TMEM232: variants seen among roughly 807,000 people sequenced by gnomAD.
TMEM232 encodes the protein transmembrane protein 232.
TMEM232 carries 80 observed loss-of-function variants against 78.8 expected under a neutral mutation model. The observed-to-expected ratio is 1.01, with a 90% confidence interval of 0.85 to 1.22. The LOEUF (loss-of-function observed/expected upper bound fraction) is 1.22, where lower values mean the gene tolerates loss of function less well. Among genes scored for constraint, TMEM232 ranks in the 50% most tolerant of loss-of-function variants. The probability of loss-of-function intolerance (pLI) is 0.00; values close to 1 mark genes in which losing one functional copy is unlikely to be tolerated. For missense variants in TMEM232, 881 were observed against 742.2 expected, an observed-to-expected ratio of 1.19 and a Z score of -2.17; for synonymous variants, 297 against 254.3, an observed-to-expected ratio of 1.17 and a Z score of -1.60.
intron 10 of TMEM232, among the ~76,000 whole-genome samples, chr5:110,599,706 A>G (rs965923141): frequency 2.0e-5 from 3 of 152,170 alleles, no homozygotes; most frequent in Non-Finnish European, 2.9e-5. Flanking sequence ...AGACTCCCAC[A>G]CAATAATAGT....
intron 5 of TMEM232, among the ~76,000 whole-genome samples, chr5:110,634,380 C>G (rs1391082617): frequency 6.6e-6 from 1 of 152,028 alleles, no homozygotes; most frequent in African/African-American, 2.4e-5. Context: ...TTTCCCAACA[C>G]AACAATAGGA....
At chr5:110,596,850 T>C (rs984188086) in intron 10 of TMEM232, among the ~76,000 whole-genome samples, 2 of 152,194 alleles carry the variant, frequency 1.3e-5, no homozygotes, top group Non-Finnish European at 2.9e-5. Context: ...AATTAGGTAT[T>C]GATGGGACGT....
At chr5:110,528,467 C>A (rs1437321997) in intron 12 of TMEM232, 121 bp downstream of exon 12, 2 of 1,136,450 alleles carry the variant, frequency 1.8e-6, no homozygotes, top group East Asian at 5.6e-5. Context: ...GGTGATCAAG[C>A]CAAAATTTGA....
At chr5:110,678,030 G>A (rs1319042319) in intron 1 of TMEM232, among the ~76,000 whole-genome samples, 1 of 152,024 alleles carries the variant, frequency 6.6e-6, no homozygotes, top group Non-Finnish European at 1.5e-5. Context: ...TTCCCTATGT[G>A]CACATGGGTT....
At chr5:110,621,709 CCTCT>C (rs543837970) in intron 7 of TMEM232, among the ~76,000 whole-genome samples, 79 of 152,102 alleles carry the variant, frequency 5.2e-4, no homozygotes, top group African/African-American at 1.8e-3. Flanking sequence ...TCCTTCCCTC[CCTCT>C]CTTTGTTCTC....
chr5:110,423,556 G>T (rs1409054989), intron 13 of TMEM232, among the ~76,000 whole-genome samples: 1 of 152,016 alleles, frequency 6.6e-6, no homozygotes, highest in Non-Finnish European at 1.5e-5. Flanking sequence ...AAACAATTTG[G>T]ATCTATAAGT....
chr5:110,433,713 G>C (rs1758104239), intron 12 of TMEM232, among the ~76,000 whole-genome samples: 1 of 149,844 alleles, frequency 6.7e-6, no homozygotes, highest in Admixed American at 6.7e-5. Flanking sequence ...TGCATTTGCT[G>C]AATTTATTGT....
At chr5:110,638,452 AC>A in intron 4 of TMEM232, 97 bp from the exon 5 acceptor site, 1 of 1,186,084 alleles carries the variant, frequency 8.4e-7, no homozygotes, top group Non-Finnish European at 1.2e-6. Flanking sequence ...TGTCATTAAG[AC>A]CAAATTGCAG....
chr5:110,472,312 AGATACCTTGGAATAAATTT>A (rs1221047512), intron 12 of TMEM232, among the ~76,000 whole-genome samples: 20 of 152,016 alleles, frequency 1.3e-4, no homozygotes, highest in African/African-American at 4.8e-4. Flanking sequence ...ACAAAAAATA[AGATACCTTGGAATAAATTT>A]AACTAAGGAG....
chr5:110,697,290 A>G (rs1794902432), intron 1 of TMEM232, among the ~76,000 whole-genome samples: 1 of 152,208 alleles, frequency 6.6e-6, no homozygotes, highest in Non-Finnish European at 1.5e-5. Context: ...CTTATACAAA[A>G]ATTAATTCAA....
chr5:110,700,785 GGTAGA>G (rs1561538101), intron 1 of TMEM232, among the ~76,000 whole-genome samples: 2,686 of 141,684 alleles, frequency 0.019, 46 homozygotes, highest in East Asian at 0.066. Context: ...TAGATAGATA[GGTAGA>G]TAGATAGATA....
intron 12 of TMEM232, among the ~76,000 whole-genome samples, chr5:110,453,827 C>CAA (rs556583793): frequency 3.5e-4 from 41 of 117,096 alleles, no homozygotes; most frequent in Admixed American, 2.3e-3. Flanking sequence ...ATTCCAGGAG[C>CAA]AAAAAAAAAA....
intron 1 of TMEM232, among the ~76,000 whole-genome samples, chr5:110,722,472 G>C (rs551495856): frequency 6.6e-6 from 1 of 152,114 alleles, no homozygotes; most frequent in Non-Finnish European, 1.5e-5. Context: ...AGGGTGGTTT[G>C]TTCACTACAC....
chr5:110,506,409 A>C (rs1290112736), intron 12 of TMEM232, among the ~76,000 whole-genome samples: 3 of 152,168 alleles, frequency 2.0e-5, no homozygotes, highest in Non-Finnish European at 4.4e-5. Context: ...TTTACTCCCC[A>C]ATAGAATCTA....
intron 1 of TMEM232, among the ~76,000 whole-genome samples, chr5:110,692,523 C>T (rs72773163): frequency 0.07 from 10,664 of 152,242 alleles, 481 homozygotes; most frequent in Admixed American, 0.12. Flanking sequence ...ACAGGAAGCG[C>T]AAGGAGGCAG....
chr5:110,446,344 C>A (rs1759645366), intron 12 of TMEM232, among the ~76,000 whole-genome samples: 1 of 152,126 alleles, frequency 6.6e-6, no homozygotes, highest in Admixed American at 6.6e-5. Flanking sequence ...GATCAGAATT[C>A]TGTTTCAAAA....
intron 2 of TMEM232, among the ~76,000 whole-genome samples, chr5:110,652,294 G>GCGCGCGCGCACACACACACA (rs1554069154): frequency 8.9e-5 from 13 of 145,360 alleles, no homozygotes; most frequent in African/African-American, 3.3e-4. Context: ...GCACGCGCGC[G>GCGCGCGCGCACACACACACA]CACACACACA....
At chr5:110,446,393 A>G (rs1343454485) in intron 12 of TMEM232, among the ~76,000 whole-genome samples, 1 of 152,228 alleles carries the variant, frequency 6.6e-6, no homozygotes, top group Non-Finnish European at 1.5e-5. Context: ...AGAAATACTT[A>G]GAGATATTGG....
At chr5:110,511,207 T>C (rs866365912) in intron 12 of TMEM232, among the ~76,000 whole-genome samples, 2 of 152,084 alleles carry the variant, frequency 1.3e-5, no homozygotes, top group Middle Eastern at 3.4e-3. Context: ...GAAAACCAAA[T>C]ACTGCATGTT....
Sources: gnomAD v4.1 joint callset for allele counts (sites outside exome capture counted in the v4.1 genomes callset) on GRCh38, gnomAD v4.1.1 for gene constraint, MANE v1.5 for transcripts, NCBI Gene and HGNC (gene_info 2026-07-23, HGNC 2026-07-21) for gene names.